CSMD1: variants seen among roughly 807,000 people sequenced by gnomAD.
The protein encoded by CSMD1 is CUB and Sushi multiple domains 1.
In CSMD1, 213 loss-of-function variants were observed where a neutral mutation model predicts 417.5. The ratio of observed to expected loss-of-function variants is 0.51; its 90% confidence interval spans 0.46 to 0.57. The LOEUF is 0.57. CSMD1 is among the 20% of genes least tolerant of loss of function. The pLI, the probability that CSMD1 is intolerant of heterozygous loss-of-function variation, is 0.00. For missense variants in CSMD1, 6,923 were observed against 4,529.7 expected, an observed-to-expected ratio of 1.53 and a Z score of -15.17; for synonymous variants, 2,862 against 1,736.8, an observed-to-expected ratio of 1.65 and a Z score of -16.11.
rs1050203093 is a variant in CSMD1, at chr8:4,508,496, T to C, written c.303-88431A>G. ...GAATTTAATTTAGTAGTATTTTCTT[T>C]CTTTTTAATAAAATCATCCAAACGT... On this transcript the variant is annotated intron_variant, in intron 2 of 69. Coordinates refer to ENST00000635120, the MANE Select transcript of CSMD1 (RefSeq NM_033225.6). 5.9e-5 allele frequency among the ~76,000 whole-genome samples: 9 copies of C among 152,344 alleles called. No individual in the cohort carries two copies. In the East Asian group the frequency reaches 7.7e-4, roughly 13 times the overall value.
At chr8:3,772,654 TATACATAC>T (rs1268775130) in intron 5 of CSMD1, among the ~76,000 whole-genome samples, 2 of 135,284 alleles carry the variant, frequency 1.5e-5, no homozygotes, top group Non-Finnish European at 3.1e-5. Context: ...TATATACATA[TATACATAC>T]ATTTATATAT....
intron 41 of CSMD1, among the ~76,000 whole-genome samples, chr8:3,135,694 G>C (rs1003516989): frequency 1.3e-5 from 2 of 152,142 alleles, no homozygotes; most frequent in South Asian, 2.1e-4. Flanking sequence ...ATGCTCTTGA[G>C]TGAAGTCTGC....
At chr8:4,463,763 G>C (rs758656607) in intron 2 of CSMD1, among the ~76,000 whole-genome samples, 4 of 152,166 alleles carry the variant, frequency 2.6e-5, no homozygotes, top group African/African-American at 4.8e-5. Context: ...AAAATAGTGA[G>C]TGGGTACTAA....
intron 1 of CSMD1, among the ~76,000 whole-genome samples, chr8:4,893,153 G>A (rs945539808): frequency 6.6e-6 from 1 of 151,934 alleles, no homozygotes; most frequent in African/African-American, 2.4e-5. Flanking sequence ...CCTTTTTGTT[G>A]TTTTAATTTG....
intron 10 of CSMD1, among the ~76,000 whole-genome samples, chr8:3,496,022 C>G (rs977966790): frequency 2.8e-4 from 42 of 152,260 alleles, no homozygotes; most frequent in Middle Eastern, 3.4e-3. Flanking sequence ...GTATTAAGCC[C>G]AGCATGCATT....
intron 10 of CSMD1, among the ~76,000 whole-genome samples, chr8:3,498,941 C>T (rs73501538): frequency 0.019 from 2,862 of 152,116 alleles, 91 homozygotes; most frequent in African/African-American, 0.064. Flanking sequence ...CTGATTCTCA[C>T]GGCGTATCTT....
chr8:4,853,785 C>A (rs890253576), intron 1 of CSMD1, among the ~76,000 whole-genome samples: 1 of 152,188 alleles, frequency 6.6e-6, no homozygotes, highest in Non-Finnish European at 1.5e-5. Flanking sequence ...AGCAGCCACA[C>A]TGCACCCCAC....
intron 1 of CSMD1, among the ~76,000 whole-genome samples, chr8:4,734,484 G>C (rs1469405717): frequency 6.6e-6 from 1 of 152,054 alleles, no homozygotes; most frequent in Non-Finnish European, 1.5e-5. Context: ...GTGGCCAGAA[G>C]CTCTAAGATT....
chr8:3,432,180 A>G (rs1327457983), intron 12 of CSMD1, among the ~76,000 whole-genome samples: 1 of 152,208 alleles, frequency 6.6e-6, no homozygotes, highest in African/African-American at 2.4e-5. Flanking sequence ...TAATCTGGGC[A>G]TTATAATCAG....
intron 12 of CSMD1, among the ~76,000 whole-genome samples, chr8:3,460,970 A>G (rs907010631): frequency 1.3e-5 from 2 of 152,110 alleles, no homozygotes; most frequent in African/African-American, 4.8e-5. Flanking sequence ...CAGTAACAAT[A>G]AGTTTGTTCT....
In CSMD1 at chr8:4,981,095, C is replaced by A. The variant is rs1482444704; in HGVS notation, c.85+13237G>T. ...ATGCGTGCATCTTTGCAGATATTTC[C>A]CATGTGTGTACAAGTAGCCTGCCTT... On this transcript the variant is annotated intron_variant, in intron 1 of 69. Coordinates refer to ENST00000635120, the MANE Select transcript of CSMD1 (RefSeq NM_033225.6). Among the ~76,000 whole-genome samples the A allele has an allele frequency of 2.6e-5, 4 of 152,246 alleles. No individual in the cohort carries two copies. The East Asian group carries it at 7.7e-4, about 29-fold the overall frequency.
intron 17 of CSMD1, among the ~76,000 whole-genome samples, chr8:3,389,987 CT>C (rs1450641675): frequency 6.6e-6 from 1 of 152,082 alleles, no homozygotes; most frequent in Non-Finnish European, 1.5e-5. Flanking sequence ...AATTATGATA[CT>C]ACATTCGATT....
At chr8:3,447,998 T>C (rs1461842807) in intron 12 of CSMD1, among the ~76,000 whole-genome samples, 1 of 151,782 alleles carries the variant, frequency 6.6e-6, no homozygotes. Flanking sequence ...GAAATGAGAG[T>C]CCTGATACCA....
At chr8:3,524,561 A>G (rs981077088) in intron 10 of CSMD1, among the ~76,000 whole-genome samples, 19 of 151,106 alleles carry the variant, frequency 1.3e-4, no homozygotes, top group African/African-American at 4.6e-4. Flanking sequence ...GCACACACAC[A>G]TGCATACCCA....
intron 10 of CSMD1, among the ~76,000 whole-genome samples, chr8:3,526,907 C>G (rs1278540745): frequency 1.3e-5 from 2 of 152,048 alleles, no homozygotes; most frequent in African/African-American, 2.4e-5. Context: ...CCTAATATTC[C>G]TTTCATCTAA....
At chr8:2,999,221 C>G (rs1367903069) in intron 53 of CSMD1, among the ~76,000 whole-genome samples, 1 of 141,238 alleles carries the variant, frequency 7.1e-6, no homozygotes, top group Non-Finnish European at 1.5e-5. Context: ...GCGGCACGAT[C>G]TCTGCTCACT....
chr8:4,183,837 T>A (rs1392174188), intron 3 of CSMD1, among the ~76,000 whole-genome samples: 2 of 152,196 alleles, frequency 1.3e-5, no homozygotes, highest in African/African-American at 4.8e-5. Flanking sequence ...CCCTCCTGGA[T>A]TGCCCACCTA....
Position 3,806,513 on chromosome 8 carries a change from C to CTCTG in CSMD1, c.819-52475_819-52472dup, listed in dbSNP as rs553157697. 2.0e-5 allele frequency among the ~76,000 whole-genome samples: 3 copies of CTCTG among 152,288 alleles called. No individual in the cohort carries two copies. In the South Asian group the frequency reaches 6.2e-4, roughly 32 times the overall value. ...AAAGAACCAACACAGAGCCACGGTG[C>CTCTG]TCTGTGCTTTGAGGCATATTCACTC... is the stretch of plus-strand genomic sequence containing the variant. On this transcript the variant is annotated intron_variant, in intron 5 of 69. Coordinates refer to ENST00000635120, the MANE Select transcript of CSMD1 (RefSeq NM_033225.6).
intron 3 of CSMD1, among the ~76,000 whole-genome samples, chr8:4,316,960 A>C (rs974749558): frequency 6.6e-6 from 1 of 152,160 alleles, no homozygotes; most frequent in Admixed American, 6.6e-5. Flanking sequence ...GATTCATACG[A>C]AAACTCAAGA....
Sources: gnomAD v4.1 joint callset for allele counts (sites outside exome capture counted in the v4.1 genomes callset) on GRCh38, gnomAD v4.1.1 for gene constraint, MANE v1.5 for transcripts, NCBI Gene and HGNC (gene_info 2026-07-23, HGNC 2026-07-21) for gene names.